FNBP1: variants seen among roughly 807,000 people sequenced by gnomAD.
FNBP1 encodes the protein formin-binding protein 1.
Under a neutral mutation model 90.6 loss-of-function variants are expected in FNBP1, and 26 were observed. The ratio of observed to expected loss-of-function variants is 0.29; its 90% CI spans 0.21 to 0.40. FNBP1 has a LOEUF of 0.40. FNBP1 is among the 10% of genes least tolerant of loss of function. The probability of loss-of-function intolerance (pLI) is 1.00; values close to 1 mark genes in which losing one functional copy is unlikely to be tolerated. For synonymous variants in FNBP1, 260 were observed against 265.2 expected, an observed-to-expected ratio of 0.98 and a Z score of 0.19; for missense variants, 635 against 768.0, an observed-to-expected ratio of 0.83 and a Z score of 2.05.
chr9:130,035,397 T>C (rs1039518810), intron 1 of FNBP1, among the ~76,000 whole-genome samples: 5 of 152,156 alleles, frequency 3.3e-5, no homozygotes, highest in African/African-American at 7.2e-5. Context: ...ATTGGCCTGG[T>C]GGGGACTCTG....
chr9:129,890,573 G>C lies in FNBP1; in HGVS notation c.1847-27C>G, dbSNP rs1219087370. 6.5e-7 allele frequency: 1 copy of C among 1,530,970 alleles called. No homozygotes were observed. Among genetic ancestry groups the C allele is most frequent in the African/African-American group, 1.4e-5 (1 of 72,534 alleles). The allele number at this position is 1,530,970 out of a possible 1,614,324, so 94.8% of individuals were successfully genotyped here. A position where few individuals can be genotyped will look rare whatever the true frequency, so the allele number is the denominator to read the frequency against. ...TACAACACAAAGAGAAACAGAAAGAGAAACTCTCTGTTAGAGAGGAAGGCG... is the reference window on the plus strand; with the variant it reads ...TACAACACAAAGAGAAACAGAAAGACAAACTCTCTGTTAGAGAGGAAGGCG... On this transcript the variant is annotated intron_variant, in intron 16 of 16. Transcript: ENST00000446176. This position sits in a 1 kb window ranked among gnomAD's most constrained non-coding sequence, Gnocchi z 5.8.
chr9:130,020,801 C>T (rs1246580145), intron 1 of FNBP1, among the ~76,000 whole-genome samples: 1 of 152,154 alleles, frequency 6.6e-6, no homozygotes, highest in Non-Finnish European at 1.5e-5. Flanking sequence ...CTTTGAAAAG[C>T]TGCCATTTTT....
intron 8 of FNBP1, among the ~76,000 whole-genome samples, chr9:129,925,589 C>CTTTTTTTTTTTTTTTTTT (rs576015094): frequency 1.5e-5 from 1 of 67,114 alleles, no homozygotes; most frequent in African/African-American, 5.8e-5. Flanking sequence ...TTCCTAGTAG[C>CTTTTTTTTTTTTTTTTTT]TTTTTTTTTT....
intron 6 of FNBP1, among the ~76,000 whole-genome samples, chr9:129,933,946 C>T: frequency 6.6e-6 from 1 of 152,176 alleles, no homozygotes; most frequent in East Asian, 1.9e-4. Context: ...TATGGAAAAT[C>T]TATTTCTGTT....
At chr9:130,027,466 C>T (rs115145426) in intron 1 of FNBP1, among the ~76,000 whole-genome samples, 1,552 of 152,258 alleles carry the variant, frequency 0.01, 29 homozygotes, top group African/African-American at 0.036. Context: ...TACATGGTAG[C>T]TTTGTCCTTG....
At chr9:130,010,143 T>C (rs932942033) in intron 1 of FNBP1, among the ~76,000 whole-genome samples, 1 of 152,164 alleles carries the variant, frequency 6.6e-6, no homozygotes, top group Admixed American at 6.6e-5. Context: ...CTGGCCAATT[T>C]AAGTCCCTTG....
At chr9:129,980,505 A>G (rs559057602) in intron 2 of FNBP1, among the ~76,000 whole-genome samples, 2 of 152,216 alleles carry the variant, frequency 1.3e-5, no homozygotes, top group East Asian at 3.9e-4. Flanking sequence ...ATGCTAAGAC[A>G]TTTAACTAGA....
chr9:129,892,699 G>A (rs2035241199), intron 16 of FNBP1, among the ~76,000 whole-genome samples: 1 of 152,130 alleles, frequency 6.6e-6, no homozygotes, highest in Non-Finnish European at 1.5e-5. Flanking sequence ...ACTTTGGGTG[G>A]AAATGGAAAT....
chr9:130,047,340 C>T (rs537651427), upstream of FNBP1, among the ~76,000 whole-genome samples: 21 of 152,120 alleles, frequency 1.4e-4, no homozygotes, highest in African/African-American at 4.6e-4. Flanking sequence ...AACAGCTGGG[C>T]GCAGTGGTTC....
intron 1 of FNBP1, among the ~76,000 whole-genome samples, chr9:130,018,339 G>A (rs563721640): frequency 1.8e-4 from 27 of 152,038 alleles, no homozygotes; most frequent in African/African-American, 5.3e-4. Context: ...GTTGCATTAA[G>A]TACAATACTA....
At chr9:130,016,261 G>A (rs1238727644) in intron 1 of FNBP1, among the ~76,000 whole-genome samples, 1 of 152,140 alleles carries the variant, frequency 6.6e-6, no homozygotes, top group African/African-American at 2.4e-5. Flanking sequence ...TAGGTCATGA[G>A]GGTGGGCCCC....
chr9:129,925,972 AT>A (rs1337794094), intron 8 of FNBP1, among the ~76,000 whole-genome samples: 4 of 149,538 alleles, frequency 2.7e-5, no homozygotes, highest in Non-Finnish European at 4.5e-5. Context: ...TTGTTTTCTG[AT>A]TTTTTTGTTT....
intron 11 of FNBP1, among the ~76,000 whole-genome samples, chr9:129,914,515 GCCT>G (rs2039906690): frequency 1.3e-5 from 2 of 151,668 alleles, no homozygotes; most frequent in Admixed American, 6.6e-5. Context: ...AGCTGAGAAG[GCCT>G]CCTAGTCAAT....
intron 6 of FNBP1, among the ~76,000 whole-genome samples, chr9:129,943,788 C>T (rs1324703639): frequency 6.6e-6 from 1 of 151,760 alleles, no homozygotes; most frequent in Non-Finnish European, 1.5e-5. Flanking sequence ...GTCAGGAGAT[C>T]GAGAACATCC....
intron 1 of FNBP1, among the ~76,000 whole-genome samples, chr9:130,018,106 G>T (rs1160298039): frequency 1.3e-5 from 2 of 151,416 alleles, no homozygotes; most frequent in Non-Finnish European, 2.9e-5. Flanking sequence ...AGTAGAGACA[G>T]AGTTTCACTG....
At chr9:130,050,164 G>T in the FNBP1 span, among the ~76,000 whole-genome samples, 2 of 151,910 alleles carry the variant, frequency 1.3e-5, no homozygotes, top group South Asian at 2.1e-4. Flanking sequence ...TTTTGCATTC[G>T]AACTACTTAC....
chr9:130,053,163 C>T, the FNBP1 span, among the ~76,000 whole-genome samples: 3 of 152,080 alleles, frequency 2.0e-5, no homozygotes, highest in Non-Finnish European at 4.4e-5. Flanking sequence ...AAGAAAGTTT[C>T]CATACAGAAT....
intron 1 of FNBP1, among the ~76,000 whole-genome samples, chr9:130,025,133 T>C (rs2058220068): frequency 6.6e-6 from 1 of 151,694 alleles, no homozygotes; most frequent in South Asian, 2.1e-4. Flanking sequence ...TGAGTGGAGA[T>C]CGCGCCACTG....
rs1301294191 is a variant in FNBP1, at chr9:129,966,029, T to A, written c.346-7476A>T. Among the ~76,000 whole-genome samples, 2 of 152,198 alleles carry A rather than the reference T, an allele frequency of 1.3e-5. No individual in the cohort carries two copies. Among genetic ancestry groups the A allele is most frequent in the African/African-American group, 4.8e-5 (2 of 41,446 alleles). On this transcript the variant is annotated intron_variant, in intron 4 of 16. Coordinates refer to ENST00000446176, the MANE Select transcript of FNBP1 (RefSeq NM_015033.3). The surrounding 1 kb of genome is among the most constrained non-coding windows in gnomAD (Gnocchi z 4.3). The stretch of plus-strand genomic sequence containing the variant: ...TCCCATGCTCACTGACATGCCCACT[T>A]GTGAACAGGGCTGCTCCAGGCACGA...
Sources: gnomAD v4.1 joint callset for allele counts (sites outside exome capture counted in the v4.1 genomes callset) on GRCh38, gnomAD v4.1.1 for gene constraint, Gnocchi (gnomAD v3.1) non-coding constraint, MANE v1.5 for transcripts, NCBI Gene and HGNC (gene_info 2026-07-23, HGNC 2026-07-21) for gene names.